The following SLC9A4 variants were observed in gnomAD, a reference collection of about 807,000 sequenced individuals.
SLC9A4 encodes the protein sodium/hydrogen exchanger 4.
Under a neutral mutation model 67.4 loss-of-function variants are expected in SLC9A4, and 63 were observed. The observed-to-expected ratio is 0.93, with a 90% CI of 0.76 to 1.15. The LOEUF is 1.15. SLC9A4 is among the 50% of genes most tolerant of loss of function. SLC9A4 has a pLI of 0.00. For missense variants in SLC9A4, 1,089 were observed against 987.7 expected (o/e 1.10, Z -1.38); for synonymous variants, 393 against 367.2 (o/e 1.07, Z -0.80).
In SLC9A4 at chr2:102,505,897, TA is replaced by T. The variant is rs368221298; in HGVS notation, c.1198+429del. On this transcript the variant is annotated intron_variant, in intron 4 of 11. Transcript: ENST00000295269. The stretch of plus-strand genomic sequence containing the variant: ...TGCACCTTAAATCAGATATGGATTA[TA>T]AACTGTGGGCATTTATTTACACTTT... 561 of 172,744 alleles carry T rather than the reference TA, an allele frequency of 3.2e-3. 5 individuals carry two copies. The highest frequency in any genetic ancestry group is 0.013 in the African/African-American group (537 of 41,912). The allele number at this position is 172,744 out of a possible 1,614,324, so 10.7% of individuals were successfully genotyped here. A position where few individuals can be genotyped will look rare whatever the true frequency, so the allele number is the denominator to read the frequency against.
At chr2:102,500,839 C>T (rs1684914959) in intron 2 of SLC9A4, among the ~76,000 whole-genome samples, 1 of 152,084 alleles carries the variant, frequency 6.6e-6, no homozygotes, top group Non-Finnish European at 1.5e-5. Context: ...AGGAGAAGGC[C>T]TTTGTCATCA....
At chr2:102,499,504 A>G (rs1173340583) in intron 2 of SLC9A4, among the ~76,000 whole-genome samples, 1 of 152,138 alleles carries the variant, frequency 6.6e-6, no homozygotes, top group Non-Finnish European at 1.5e-5. Context: ...AATACGAGAA[A>G]TTCACAATGT....
intron 7 of SLC9A4, among the ~76,000 whole-genome samples, 160 bp downstream of exon 7, chr2:102,512,433 C>T (rs6737329): frequency 0.012 from 1,761 of 152,278 alleles, 37 homozygotes; most frequent in African/African-American, 0.039. Context: ...GCATGCTAAG[C>T]CTGGAAAATG....
intron 10 of SLC9A4, among the ~76,000 whole-genome samples, 176 bp from the exon 11 acceptor site, chr2:102,526,083 T>G (rs1020009183): frequency 2.0e-5 from 3 of 152,168 alleles, no homozygotes; most frequent in Non-Finnish European, 2.9e-5. Flanking sequence ...AGACGGGGTT[T>G]CACCATGTTG....
At chr2:102,502,902 AC>A (rs1684971591) in intron 2 of SLC9A4, among the ~76,000 whole-genome samples, 1 of 152,230 alleles carries the variant, frequency 6.6e-6, no homozygotes. Flanking sequence ...ACAGGTTATC[AC>A]CAGGCCAAAG....
In SLC9A4 at chr2:102,525,090, A is replaced by G. The variant is rs1674631531; in HGVS notation, c.1885A>G (p.Ile629Val). 3 of 1,613,914 alleles carry G rather than the reference A, an allele frequency of 1.9e-6. No homozygotes were observed. The East Asian group carries it at 6.7e-5, about 36-fold the overall frequency. ...TGAGAAGCAGGCTAAAGAGATTCTG[A>G]TCCGCCGCCAGAACACCTTAAGGGA... is the stretch of plus-strand genomic sequence containing the variant. ...TSEKQAKEIL[I>V]RRQNTLRESM... is the part of the protein sequence containing the mutation. Residue 629 changes from isoleucine (I) to valine (V), a missense_variant, in exon 10 of 12, where the codon ATC (isoleucine) becomes GTC (valine). Coordinates refer to ENST00000295269, the MANE Select transcript of SLC9A4 (RefSeq NM_001011552.4).
intron 2 of SLC9A4, among the ~76,000 whole-genome samples, chr2:102,497,836 A>C (rs1684842716): frequency 6.6e-6 from 1 of 152,170 alleles, no homozygotes; most frequent in Admixed American, 6.5e-5. Context: ...TAAAGTTAAC[A>C]AGAAAAAAAA....
chr2:102,492,586 C>T lies in SLC9A4; in HGVS notation c.721-10862C>T, dbSNP rs191530700. ...AGACACACCGTACCATGTCCTAAGG[C>T]TGCATAGAGCAGGGGGGCCCTGGCC... On this transcript the variant is annotated intron_variant, in intron 2 of 11. Coordinates refer to ENST00000295269, the MANE Select transcript of SLC9A4 (RefSeq NM_001011552.4). Among the ~76,000 whole-genome samples the T allele has an allele frequency of 1.2e-3, 189 of 151,398 alleles. 3 individuals carry two copies. The highest frequency in any genetic ancestry group is 4.3e-3 in the African/African-American group (177 of 41,184).
chr2:102,494,415 G>A (rs1164509265), intron 2 of SLC9A4, among the ~76,000 whole-genome samples: 1 of 151,996 alleles, frequency 6.6e-6, no homozygotes, highest in Non-Finnish European at 1.5e-5. Context: ...TGCAGGAAGA[G>A]ACAATAAACC....
intron 2 of SLC9A4, among the ~76,000 whole-genome samples, chr2:102,488,818 A>G (rs992799971): frequency 2.0e-5 from 3 of 152,168 alleles, no homozygotes; most frequent in African/African-American, 7.2e-5. Flanking sequence ...AAGTGCTGGA[A>G]TTACAGGCGT....
At chr2:102,510,448 A>AT (rs1259492868) in intron 6 of SLC9A4, among the ~76,000 whole-genome samples, 2 of 152,098 alleles carry the variant, frequency 1.3e-5, no homozygotes, top group Admixed American at 6.6e-5. Flanking sequence ...TACAAGTAGG[A>AT]TTTTTTCTTC....
At chr2:102,487,215 G>A (rs1449284246) in intron 2 of SLC9A4, among the ~76,000 whole-genome samples, 1 of 145,592 alleles carries the variant, frequency 6.9e-6, no homozygotes, top group Non-Finnish European at 1.5e-5. Context: ...GTCACAGGCA[G>A]AGGGAGAAGT....
At chr2:102,518,467 C>T (rs1231629079) in intron 8 of SLC9A4, among the ~76,000 whole-genome samples, 1 of 152,052 alleles carries the variant, frequency 6.6e-6, no homozygotes, top group Non-Finnish European at 1.5e-5. Flanking sequence ...GGTTTAAATG[C>T]CCTGATAATA....
intron 10 of SLC9A4, among the ~76,000 whole-genome samples, chr2:102,525,670 A>G (rs1029951700): frequency 6.6e-6 from 1 of 152,104 alleles, no homozygotes; most frequent in African/African-American, 2.4e-5. Flanking sequence ...GGCAATTTGA[A>G]TGGAGGCTGG....
At chr2:102,510,747 G>A (rs908737909) in intron 6 of SLC9A4, among the ~76,000 whole-genome samples, 21 of 152,142 alleles carry the variant, frequency 1.4e-4, no homozygotes, top group Non-Finnish European at 1.3e-4. Flanking sequence ...TTGAATATAG[G>A]AGGGGCAAAG....
chr2:102,518,162 C>G (rs1291052683), intron 8 of SLC9A4, among the ~76,000 whole-genome samples: 1 of 152,182 alleles, frequency 6.6e-6, no homozygotes, highest in African/African-American at 2.4e-5. Flanking sequence ...CCAGCCAGAG[C>G]TTGAATGGAT....
At position 102,532,556 on chromosome 2, in the gene SLC9A4, T is replaced by G; in HGVS notation, c.2265T>G (p.Asp755Glu). ...LRPKPLFHAV[D>E]EEGESGGESE... The stretch of plus-strand genomic sequence containing the variant: ...CCAAACCTCTGTTTCATGCAGTGGA[T>G]GAGGAGGGTGAGTCTGGAGGGGAGA... Residue 755 changes from aspartate (D) to glutamate (E), a missense_variant, in exon 12 of 12, where the codon GAT becomes GAG. Transcript: ENST00000295269. 2 of 1,613,866 alleles carry G rather than the reference T, an allele frequency of 1.2e-6. No homozygotes were observed. Among genetic ancestry groups the G allele is most frequent in the Non-Finnish European group, 1.7e-6 (2 of 1,179,914 alleles).
At chr2:102,486,054 A>C (rs1684582298) in intron 2 of SLC9A4, among the ~76,000 whole-genome samples, 1 of 152,292 alleles carries the variant, frequency 6.6e-6, no homozygotes, top group African/African-American at 2.4e-5. Context: ...ATTTTCCTTC[A>C]TGATTCCTCC....
chr2:102,508,029 C>T, intron 4 of SLC9A4, 50 bp from the exon 5 acceptor site: 1 of 1,574,276 alleles, frequency 6.4e-7, no homozygotes, highest in Non-Finnish European at 8.7e-7. Flanking sequence ...AGCTCTGTAT[C>T]TCTGCTCGTT....
Sources: gnomAD v4.1 joint callset for allele counts (sites outside exome capture counted in the v4.1 genomes callset) on GRCh38, gnomAD v4.1.1 for gene constraint, MANE v1.5 for transcripts, NCBI Gene and HGNC (gene_info 2026-07-23, HGNC 2026-07-21) for gene names.